Variants in ADGRB3 observed in about 807,000 individuals in gnomAD.
The protein encoded by ADGRB3 is adhesion G protein-coupled receptor B3.
A neutral mutation model predicts 193.4 loss-of-function variants in ADGRB3; 37 were observed. The ratio of observed to expected loss-of-function variants is 0.19; its 90% CI spans 0.15 to 0.25. ADGRB3 has a LOEUF of 0.25. Ranked by LOEUF, ADGRB3 falls within the 10% of genes least tolerant of loss-of-function variation. The pLI, the probability that ADGRB3 is intolerant of heterozygous loss-of-function variation, is 1.00. For synonymous variants in ADGRB3, 690 were observed against 644.2 expected (o/e 1.07, Z -1.08); for missense variants, 1,637 against 1,852.9 (o/e 0.88, Z 2.14).
chr6:69,255,350 C>T (rs1188366882), intron 20 of ADGRB3, among the ~76,000 whole-genome samples: 1 of 152,110 alleles, frequency 6.6e-6, no homozygotes, highest in Non-Finnish European at 1.5e-5. Flanking sequence ...CCTATTTCTC[C>T]ACATCCTCTC....
At chr6:68,908,563 A>C (rs1766613062) in intron 3 of ADGRB3, among the ~76,000 whole-genome samples, 1 of 152,096 alleles carries the variant, frequency 6.6e-6, no homozygotes, top group Non-Finnish European at 1.5e-5. Flanking sequence ...ACCCAATCAC[A>C]GTCAAAAGTC....
intron 17 of ADGRB3, among the ~76,000 whole-genome samples, chr6:69,207,450 C>A (rs1281220743): frequency 6.6e-6 from 1 of 152,116 alleles, no homozygotes; most frequent in Non-Finnish European, 1.5e-5. Flanking sequence ...ATAGGAGGGG[C>A]CAAATGCAGC....
chr6:69,297,360 C>CTCTT (rs932333009), intron 20 of ADGRB3, among the ~76,000 whole-genome samples: 1 of 120,970 alleles, frequency 8.3e-6, no homozygotes, highest in Non-Finnish European at 1.7e-5. Flanking sequence ...CTCTCTCTCT[C>CTCTT]TCTCTCTTTC....
At chr6:68,832,985 TGTGTGCTATTACCAGCA>T (rs1235973640) in intron 3 of ADGRB3, among the ~76,000 whole-genome samples, 1 of 152,140 alleles carries the variant, frequency 6.6e-6, no homozygotes, top group African/African-American at 2.4e-5. Flanking sequence ...TGTACTTTTC[TGTGTGCTATTACCAGCA>T]GTGTGCTCAG....
chr6:69,333,882 A>T (rs1210751434), intron 24 of ADGRB3, among the ~76,000 whole-genome samples: 1 of 150,802 alleles, frequency 6.6e-6, no homozygotes, highest in African/African-American at 2.4e-5. Context: ...GAGAGCCAAG[A>T]TCGCGCCACT....
intron 3 of ADGRB3, among the ~76,000 whole-genome samples, chr6:68,838,619 T>G (rs1768090578): frequency 6.6e-6 from 1 of 152,190 alleles, no homozygotes; most frequent in African/African-American, 2.4e-5. Context: ...CAAAGTCAAA[T>G]GGGATGCTAG....
chr6:69,067,855 A>G (rs1299530775), intron 16 of ADGRB3, among the ~76,000 whole-genome samples: 1 of 152,160 alleles, frequency 6.6e-6, no homozygotes, highest in African/African-American at 2.4e-5. Context: ...TTTCAAATTT[A>G]GTTTATTGTT....
At chr6:69,369,248 T>C (rs1485471551) in intron 29 of ADGRB3, among the ~76,000 whole-genome samples, 1 of 152,152 alleles carries the variant, frequency 6.6e-6, no homozygotes, top group Non-Finnish European at 1.5e-5. Context: ...TGAATAAACA[T>C]GCAAGTCAGT....
chr6:68,642,197 C>T (rs529952986), intron 3 of ADGRB3, among the ~76,000 whole-genome samples: 1 of 152,156 alleles, frequency 6.6e-6, no homozygotes, highest in Non-Finnish European at 1.5e-5. Flanking sequence ...GTAGAAATAT[C>T]TTCAACATGT....
intron 17 of ADGRB3, among the ~76,000 whole-genome samples, chr6:69,123,116 GT>G (rs970380556): frequency 4.0e-5 from 6 of 151,500 alleles, no homozygotes; most frequent in Non-Finnish European, 8.8e-5. Flanking sequence ...ATTATTATAG[GT>G]TTCTAATTGA....
At chr6:68,816,420 G>A (rs957357572) in intron 3 of ADGRB3, among the ~76,000 whole-genome samples, 1 of 151,868 alleles carries the variant, frequency 6.6e-6, no homozygotes, top group Non-Finnish European at 1.5e-5. Flanking sequence ...CTACAGGGGT[G>A]CAAAAATAAT....
intron 3 of ADGRB3, among the ~76,000 whole-genome samples, chr6:68,878,830 G>A (rs893092443): frequency 3.3e-5 from 5 of 152,180 alleles, no homozygotes; most frequent in Non-Finnish European, 5.9e-5. Flanking sequence ...TCACAATCAT[G>A]ATGGAAGGCA....
intron 11 of ADGRB3, among the ~76,000 whole-genome samples, chr6:69,011,577 G>T (rs1168720488): frequency 6.6e-6 from 1 of 151,868 alleles, no homozygotes; most frequent in Non-Finnish European, 1.5e-5. Context: ...CCAAACCTCA[G>T]CATCACACAA....
At chr6:68,927,771 A>C (rs575562886) in intron 3 of ADGRB3, among the ~76,000 whole-genome samples, 1 of 152,250 alleles carries the variant, frequency 6.6e-6, no homozygotes, top group East Asian at 1.9e-4. Context: ...AAAAAGAATG[A>C]ATTTTTAATA....
rs1346475311 is a variant in ADGRB3 at position 69,105,082 on chromosome 6, A to G, written c.2480+29044A>G. Among the ~76,000 whole-genome samples, 5 of 152,214 alleles carry G rather than the reference A, an allele frequency of 3.3e-5. No homozygotes were observed. The East Asian group carries it at 5.8e-4, about 18-fold the overall frequency. On this transcript the variant is annotated intron_variant, in intron 17 of 31. Transcript: ENST00000370598. The stretch of plus-strand genomic sequence containing the variant: ...AATGGTAGTAGGCAATATAGAATGG[A>G]TGTTTGGTAGATACAACTTGTGCTC...
intron 3 of ADGRB3, among the ~76,000 whole-genome samples, chr6:68,905,831 T>C (rs962228665): frequency 6.6e-5 from 10 of 152,112 alleles, no homozygotes; most frequent in Non-Finnish European, 1.3e-4. Flanking sequence ...TTTCATAGGG[T>C]TGTAGAAGGA....
At chr6:68,822,039 A>G (rs1393316050) in intron 3 of ADGRB3, among the ~76,000 whole-genome samples, 1 of 151,912 alleles carries the variant, frequency 6.6e-6, no homozygotes, top group African/African-American at 2.4e-5. Context: ...TACAGCTAGT[A>G]GGTAAGAGTT....
rs193250567 is a variant in ADGRB3 at position 69,264,631 on chromosome 6, C to T, written c.2814+25405C>T. 2.5e-3 allele frequency among the ~76,000 whole-genome samples: 384 copies of T among 151,866 alleles called. 1 individual carries two copies. Among genetic ancestry groups the T allele is most frequent in the Non-Finnish European group, 4.0e-3 (274 of 67,830 alleles). The stretch of plus-strand genomic sequence containing the variant: ...TTGGACTCAGACTTGCATTCTCGCT[C>T]TAGGTCTTCTCAGAAATATACCTAT... On this transcript the variant is annotated intron_variant, in intron 20 of 31. Transcript: ENST00000370598.
At chr6:68,868,934 TGTGTGTGA>T (rs1467188579) in intron 3 of ADGRB3, among the ~76,000 whole-genome samples, 13 of 150,438 alleles carry the variant, frequency 8.6e-5, no homozygotes, top group South Asian at 2.1e-4. Context: ...TGTGTGTGTG[TGTGTGTGA>T]GTGTGTGTGT....
Sources: allele counts gnomAD v4.1 joint callset (sites outside exome capture counted in the v4.1 genomes callset), GRCh38; gene constraint gnomAD v4.1.1; transcripts MANE v1.5; gene names NCBI Gene and HGNC (gene_info 2026-07-23, HGNC 2026-07-21).